Variants in PLS1 observed in about 807,000 individuals in gnomAD.
The protein encoded by PLS1 is plastin-1.
Under a neutral mutation model 73.7 loss-of-function variants are expected in PLS1, and 32 were observed. The ratio of observed to expected loss-of-function variants is 0.43; its 90% CI spans 0.33 to 0.58. PLS1 has a LOEUF of 0.58. Ranked by LOEUF, PLS1 falls within the 20% of genes least tolerant of loss-of-function variation. The pLI is 0.04. For synonymous variants in PLS1, 217 were observed against 261.3 expected, an observed-to-expected ratio of 0.83 and a Z score of 1.63; for missense variants, 633 against 740.5, an observed-to-expected ratio of 0.85 and a Z score of 1.68.
intron 14 of PLS1, among the ~76,000 whole-genome samples, chr3:142,705,323 C>A (rs2038436937): frequency 6.6e-6 from 1 of 152,098 alleles, no homozygotes; most frequent in Non-Finnish European, 1.5e-5. Flanking sequence ...GCCAGCCAAA[C>A]CGATTCAAGT....
At chr3:142,637,751 T>A (rs546195439) in intron 1 of PLS1, among the ~76,000 whole-genome samples, 1 of 152,246 alleles carries the variant, frequency 6.6e-6, no homozygotes, top group Admixed American at 6.5e-5. Flanking sequence ...ATTCAGGATA[T>A]GTAATTAAAT....
intron 1 of PLS1, among the ~76,000 whole-genome samples, chr3:142,612,561 C>A (rs921547474): frequency 6.6e-6 from 1 of 152,152 alleles, no homozygotes; most frequent in Admixed American, 6.5e-5. Context: ...CAAGTAAACA[C>A]AACTGAAAGA....
chr3:142,697,666 A>G (rs1425725799), intron 11 of PLS1, among the ~76,000 whole-genome samples: 1 of 152,208 alleles, frequency 6.6e-6, no homozygotes, highest in African/African-American at 2.4e-5. Flanking sequence ...AGTTTATAGT[A>G]TAGTTTACTT....
chr3:142,620,384 C>A (rs2036293005), intron 1 of PLS1, among the ~76,000 whole-genome samples: 1 of 152,156 alleles, frequency 6.6e-6, no homozygotes, highest in South Asian at 2.1e-4. Context: ...GTCTCAGCCT[C>A]CCAAAGTGTT....
chr3:142,657,306 G>A (rs975551739), intron 1 of PLS1: 2 of 152,198 alleles, frequency 1.3e-5, no homozygotes, highest in African/African-American at 4.8e-5. Context: ...TCATCTAGTG[G>A]TTTCTCAGAG....
intron 11 of PLS1, among the ~76,000 whole-genome samples, chr3:142,695,545 AAG>A (rs1305566955): frequency 6.6e-6 from 1 of 152,194 alleles, no homozygotes; most frequent in Non-Finnish European, 1.5e-5. Flanking sequence ...ACAAATATTG[AAG>A]GTGAGGAGGG....
intron 1 of PLS1, among the ~76,000 whole-genome samples, chr3:142,629,053 T>A (rs1257286433): frequency 6.6e-6 from 1 of 152,198 alleles, no homozygotes; most frequent in Non-Finnish European, 1.5e-5. Flanking sequence ...TTTGTTTCAA[T>A]ATGACTGTAG....
At chr3:142,651,323 A>G (rs770796546) in intron 1 of PLS1, among the ~76,000 whole-genome samples, 3 of 152,126 alleles carry the variant, frequency 2.0e-5, no homozygotes, top group Admixed American at 1.3e-4. Flanking sequence ...TTAGCTGGGC[A>G]TGGTGATGTG....
rs868546367 is a variant in PLS1 at position 142,631,665 on chromosome 3, A to G, written c.-36-32537A>G. Among the ~76,000 whole-genome samples the G allele has an allele frequency of 2.3e-3, 137 of 58,498 alleles. 2 individuals carry two copies. The South Asian group carries it at 0.034, about 15-fold the overall frequency. The allele number at this position is 58,498 out of a possible 152,430, so 38.4% of individuals were successfully genotyped here. A position where few individuals can be genotyped will look rare whatever the true frequency, so the allele number is the denominator to read the frequency against. The stretch of plus-strand genomic sequence containing the variant: ...AACAGAGTTGAGACCCTGTCTCTAG[A>G]AAAAAAAAAAAAAAAAAAAAAAAAA... On this transcript the variant is annotated intron_variant, in intron 1 of 15. Coordinates refer to ENST00000457734, the MANE Select transcript of PLS1 (RefSeq NM_001145319.2).
At chr3:142,701,747 G>A (rs1036975067) in intron 12 of PLS1, among the ~76,000 whole-genome samples, 4 of 152,046 alleles carry the variant, frequency 2.6e-5, no homozygotes, top group Non-Finnish European at 5.9e-5. Context: ...TCTCCCTTAG[G>A]AACTTTGGTA....
At chr3:142,686,467 G>A in intron 9 of PLS1, 91 bp downstream of exon 9, 1 of 784,906 alleles carries the variant, frequency 1.3e-6, no homozygotes, top group Non-Finnish European at 2.3e-6. Flanking sequence ...TCAGTTCAGT[G>A]GCATTCAGTA....
intron 1 of PLS1, among the ~76,000 whole-genome samples, chr3:142,604,080 A>C (rs2035976546): frequency 6.6e-6 from 1 of 152,224 alleles, no homozygotes; most frequent in African/African-American, 2.4e-5. Flanking sequence ...TATATTAAAA[A>C]AATGACAAAA....
intron 1 of PLS1, among the ~76,000 whole-genome samples, chr3:142,649,989 T>A (rs189298565): frequency 6.6e-6 from 1 of 152,292 alleles, no homozygotes; most frequent in East Asian, 1.9e-4. Context: ...ATTTTCTTCA[T>A]GTAGATTGTT....
chr3:142,603,633 A>G (rs896236962), intron 1 of PLS1, among the ~76,000 whole-genome samples: 3 of 152,052 alleles, frequency 2.0e-5, no homozygotes, highest in Admixed American at 1.3e-4. Context: ...TTATCTGGGC[A>G]TGGTGGCGCG....
intron 2 of PLS1, among the ~76,000 whole-genome samples, chr3:142,666,318 C>T (rs532242713): frequency 1.3e-5 from 2 of 152,268 alleles, no homozygotes; most frequent in East Asian, 3.9e-4. Context: ...AACTCCCAAG[C>T]CCCAGGTGAC....
intron 9 of PLS1, among the ~76,000 whole-genome samples, chr3:142,686,862 C>T (rs148479095): frequency 1.3e-5 from 2 of 152,332 alleles, no homozygotes; most frequent in East Asian, 1.9e-4. Flanking sequence ...ATTCATGTTT[C>T]CCTGGTGCAA....
rs1343080065 is a variant in PLS1 at position 142,676,193 on chromosome 3, A to G, written c.401A>G (p.Lys134Arg). 4 of 1,613,582 alleles carry G rather than the reference A, an allele frequency of 2.5e-6. No homozygotes were observed. In the South Asian group the frequency reaches 3.3e-5, roughly 13 times the overall value. Residue 134 changes from lysine to arginine, a missense_variant, in exon 5 of 16, where the codon AAA (lysine) becomes AGA (arginine). By Grantham distance (26) the Lys-to-Arg change is conservative (BLOSUM62 2). Coordinates refer to ENST00000457734, the MANE Select transcript of PLS1 (RefSeq NM_001145319.2). ...GTGGCTTTTGTTAACTGGATAAACA[A>G]AGCCCTGGAGAATGACCCTGACTGT... ...EKVAFVNWINKALENDPDCKH... is the reference protein window; with the variant it reads ...EKVAFVNWINRALENDPDCKH...
intron 14 of PLS1, among the ~76,000 whole-genome samples, chr3:142,710,898 A>C (rs1320912914): frequency 6.6e-6 from 1 of 152,188 alleles, no homozygotes; most frequent in Non-Finnish European, 1.5e-5. Context: ...TGGGCATTTT[A>C]GAGTCAGACT....
intron 1 of PLS1, among the ~76,000 whole-genome samples, chr3:142,610,345 A>G (rs973777396): frequency 6.6e-6 from 1 of 152,180 alleles, no homozygotes; most frequent in African/African-American, 2.4e-5. Context: ...TTACCTTAAA[A>G]ATAATGCTCC....
Sources: allele counts gnomAD v4.1 joint callset (sites outside exome capture counted in the v4.1 genomes callset), GRCh38; gene constraint gnomAD v4.1.1; transcripts MANE v1.5; gene names NCBI Gene and HGNC (gene_info 2026-07-23, HGNC 2026-07-21).